The following ST8SIA6 variants were observed in gnomAD, a reference collection of about 807,000 sequenced individuals.
ST8SIA6 encodes ST8 alpha-N-acetyl-neuraminide alpha-2,8-sialyltransferase 6.
A neutral mutation model predicts 33.6 loss-of-function variants in ST8SIA6; 39 were observed. The observed-to-expected ratio is 1.16, with a 90% CI of 0.90 to 1.52. The LOEUF (loss-of-function observed/expected upper bound fraction) is 1.52, where lower values mean the gene tolerates loss of function less well. Ranked by LOEUF, ST8SIA6 falls within the 40% of genes most tolerant of loss-of-function variation. The pLI is 0.00. For synonymous variants in ST8SIA6, 172 were observed against 167.2 expected, an observed-to-expected ratio of 1.03 and a Z score of -0.22; for missense variants, 441 against 443.8, an observed-to-expected ratio of 0.99 and a Z score of 0.06.
At chr10:17,346,276 A>G (rs1279229364) in intron 4 of ST8SIA6, among the ~76,000 whole-genome samples, 2 of 152,066 alleles carry the variant, frequency 1.3e-5, no homozygotes, top group Admixed American at 6.5e-5. Flanking sequence ...CTCTCAGATG[A>G]CTCCAGTGGA....
At position 17,359,619 on chromosome 10, in the gene ST8SIA6, T is replaced by C; in HGVS notation, c.291-19A>G. ...TGAATACCTAAAAATTAAATGTCAA[T>C]ATAATTAGAAAATAATGATCTCATA... On this transcript the variant is annotated intron_variant, in intron 3 of 7. Transcript: ENST00000377602. 2 of 1,494,854 alleles carry C rather than the reference T, an allele frequency of 1.3e-6. No homozygotes were observed. Among genetic ancestry groups the C allele is most frequent in the Non-Finnish European group, 1.8e-6 (2 of 1,086,518 alleles). 92.6% of individuals were successfully genotyped at this position (1,494,854 alleles called of 1,614,324 possible). A position where few individuals can be genotyped will look rare whatever the true frequency, so the allele number is the denominator to read the frequency against.
At chr10:17,386,264 G>A (rs1314155174) in intron 3 of ST8SIA6, among the ~76,000 whole-genome samples, 1 of 152,090 alleles carries the variant, frequency 6.6e-6, no homozygotes, top group Non-Finnish European at 1.5e-5. Flanking sequence ...GGCTGAGTCG[G>A]GCAGATCACA....
chr10:17,345,615 G>A (rs187558850), intron 4 of ST8SIA6, among the ~76,000 whole-genome samples: 23 of 152,306 alleles, frequency 1.5e-4, no homozygotes, highest in African/African-American at 5.3e-4. Context: ...AAGAAATCCT[G>A]TGTGGCTTGG....
At chr10:17,373,352 A>G (rs1849793400) in intron 3 of ST8SIA6, among the ~76,000 whole-genome samples, 1 of 152,182 alleles carries the variant, frequency 6.6e-6, no homozygotes, top group African/African-American at 2.4e-5. Flanking sequence ...TGTATGTTAC[A>G]TATATAGCAC....
At chr10:17,326,018 T>C (rs550711209) in intron 6 of ST8SIA6, among the ~76,000 whole-genome samples, 101 of 152,336 alleles carry the variant, frequency 6.6e-4, no homozygotes, top group African/African-American at 2.3e-3. Flanking sequence ...TCACACTGGA[T>C]ACTTGAACAA....
rs992426205 is a variant in ST8SIA6 at position 17,317,977 on chromosome 10, A to G, written c.*2901T>C. On this transcript the variant is annotated 3_prime_UTR_variant, in exon 8 of 8. Transcript: ENST00000377602. ...ATTACACTGCGCAAAAATTAACACT[A>G]TGCAATTGATCATGAAGCCCTTTGC... Among the ~76,000 whole-genome samples the G allele has an allele frequency of 1.3e-5, 2 of 152,172 alleles. No individual in the cohort carries two copies. The highest frequency in any genetic ancestry group is 4.8e-5 in the African/African-American group (2 of 41,452).
At chr10:17,349,133 G>T (rs1848949860) in intron 4 of ST8SIA6, among the ~76,000 whole-genome samples, 1 of 152,196 alleles carries the variant, frequency 6.6e-6, no homozygotes, top group Non-Finnish European at 1.5e-5. Flanking sequence ...AATACTTTCT[G>T]CTTGGTGTGA....
chr10:17,422,839 T>G (rs568407659), intron 2 of ST8SIA6, among the ~76,000 whole-genome samples: 58 of 152,060 alleles, frequency 3.8e-4, no homozygotes, highest in Non-Finnish European at 6.9e-4. Flanking sequence ...TTTCCAAAAT[T>G]AAACAAGAAA....
At chr10:17,405,407 C>T (rs530919508) in intron 2 of ST8SIA6, among the ~76,000 whole-genome samples, 11 of 151,644 alleles carry the variant, frequency 7.3e-5, no homozygotes, top group South Asian at 2.1e-4. Flanking sequence ...TGATCATTTT[C>T]GTAGCTGTAT....
At chr10:17,328,567 T>G (rs1478894080) in intron 5 of ST8SIA6, among the ~76,000 whole-genome samples, 1 of 152,188 alleles carries the variant, frequency 6.6e-6, no homozygotes, top group African/African-American at 2.4e-5. Context: ...CTACCGATTT[T>G]GTCTGTAGGA....
intron 2 of ST8SIA6, among the ~76,000 whole-genome samples, chr10:17,444,136 G>T (rs181183841): frequency 6.6e-6 from 1 of 152,056 alleles, no homozygotes; most frequent in Non-Finnish European, 1.5e-5. Flanking sequence ...GGGCAGTCAG[G>T]TTTTTTTTCT....
chr10:17,323,229 G>GCACGCACACACACA (rs1554783535), intron 6 of ST8SIA6, 72 bp from the exon 7 acceptor site: 13 of 794,430 alleles, frequency 1.6e-5, no homozygotes, highest in Non-Finnish European at 2.3e-5. Context: ...ACATATGCGC[G>GCACGCACACACACA]CACACACACA....
chr10:17,346,381 C>T (rs184608860), intron 4 of ST8SIA6, among the ~76,000 whole-genome samples: 9 of 152,294 alleles, frequency 5.9e-5, no homozygotes, highest in Admixed American at 2.0e-4. Context: ...GTGGCAGGAT[C>T]GCTTGAGCCA....
chr10:17,438,977 C>T (rs1372674339), intron 2 of ST8SIA6, among the ~76,000 whole-genome samples: 4 of 152,212 alleles, frequency 2.6e-5, no homozygotes, highest in African/African-American at 9.7e-5. Context: ...GTGTGTTGGT[C>T]ACTGACTCAG....
intron 4 of ST8SIA6, among the ~76,000 whole-genome samples, chr10:17,333,693 ATATATATATATATATATATATATATT>A (rs1409072679): frequency 8.4e-4 from 17 of 20,222 alleles, no homozygotes; most frequent in South Asian, 4.1e-3. Flanking sequence ...ATATATATAT[ATATATATATATATATATATATATATT>A]TTTTTTTTTT....
intron 4 of ST8SIA6, among the ~76,000 whole-genome samples, chr10:17,344,826 A>G (rs933999488): frequency 5.3e-5 from 8 of 152,356 alleles, no homozygotes; most frequent in Non-Finnish European, 1.2e-4. Context: ...TGGAGTGCAC[A>G]GAGTCAAGGC....
intron 6 of ST8SIA6, among the ~76,000 whole-genome samples, chr10:17,323,415 A>C (rs1010209358): frequency 3.4e-5 from 3 of 89,270 alleles, no homozygotes; most frequent in African/African-American, 1.5e-4. Context: ...TTTTTTTTTT[A>C]AGGCAGAGTC....
chr10:17,334,323 AG>A (rs1176638275), intron 4 of ST8SIA6, among the ~76,000 whole-genome samples: 2 of 151,366 alleles, frequency 1.3e-5, no homozygotes, highest in Non-Finnish European at 2.9e-5. Context: ...GCGGATCACG[AG>A]GTCAGGAGAT....
chr10:17,390,485 A>T (rs1381910549), intron 3 of ST8SIA6, 46 bp downstream of exon 3: 2 of 1,486,558 alleles, frequency 1.3e-6, no homozygotes, highest in Non-Finnish European at 1.9e-6. Flanking sequence ...TCTGAAAATA[A>T]AACCCTTGTT....
Sources: allele counts gnomAD v4.1 joint callset (sites outside exome capture counted in the v4.1 genomes callset), GRCh38; gene constraint gnomAD v4.1.1; transcripts MANE v1.5; gene names NCBI Gene and HGNC (gene_info 2026-07-23, HGNC 2026-07-21).